ZFX: variants seen among roughly 807,000 people sequenced by gnomAD.
ZFX encodes the protein zinc finger protein X-linked.
For synonymous variants in ZFX, 196 were observed against 226.8 expected, an observed-to-expected ratio of 0.86 and a Z score of 1.22; for missense variants, 362 against 628.3, an observed-to-expected ratio of 0.58 and a Z score of 4.53.
At chrX:24,176,245 G>T (rs1429513692) in intron 4 of ZFX, among the ~76,000 whole-genome samples, 4 of 103,946 alleles carry the variant, frequency 3.8e-5, no homozygotes, top group Non-Finnish European at 7.9e-5. Flanking sequence ...CTCCATGTTG[G>T]TCAGGCTGGT....
chrX:24,150,318 G>C (rs1360978653), intron 1 of ZFX, among the ~76,000 whole-genome samples: 8 of 108,397 alleles, frequency 7.4e-5, no homozygotes, highest in East Asian at 3.0e-4. Context: ...AGCCCGTGAG[G>C]GGGGGTGGGA....
intron 5 of ZFX, among the ~76,000 whole-genome samples, chrX:24,181,035 A>G (rs371791934): frequency 5.3e-5 from 6 of 112,207 alleles, no homozygotes; most frequent in East Asian, 2.8e-4. Flanking sequence ...TTAAAATATA[A>G]AGGATTCACA....
At chrX:24,194,777 C>T (rs1459024265) in intron 5 of ZFX, among the ~76,000 whole-genome samples, 1 of 103,620 alleles carries the variant, frequency 9.7e-6, no homozygotes, top group Non-Finnish European at 2.0e-5. Context: ...GGCAGAGTCT[C>T]ACCCTGTCAC....
intron 3 of ZFX, among the ~76,000 whole-genome samples, chrX:24,163,364 GTTTTTTTTTTTTTTTTT>G (rs66467960): frequency 5.2e-5 from 1 of 19,049 alleles, no homozygotes; most frequent in Non-Finnish European, 8.2e-5. Context: ...TTTTTGTTAG[GTTTTTTTTTTTTTTTTT>G]TTTTTTTTTT....
chrX:24,155,158 G>GA (rs200697768), intron 3 of ZFX, among the ~76,000 whole-genome samples: 2,184 of 111,071 alleles, frequency 0.02, 52 homozygotes, highest in African/African-American at 0.068. Flanking sequence ...CAACAAAAGG[G>GA]AAAAAAGGAA....
chrX:24,173,599 G>A (rs1282557500), intron 4 of ZFX: 28 of 1,139,491 alleles, frequency 2.5e-5, no homozygotes, highest in Admixed American at 1.3e-4. Context: ...GGGTTTTTTT[G>A]TTTTCAGACA....
chrX:24,166,787 A>G (rs1446800865), intron 3 of ZFX, among the ~76,000 whole-genome samples: 1 of 112,320 alleles, frequency 8.9e-6, no homozygotes, highest in Non-Finnish European at 1.9e-5. Flanking sequence ...AGAAACAAGA[A>G]AACCTCAGTG....
In ZFX at chrX:24,169,845, T is replaced by C. The variant is rs1232429541; in HGVS notation, c.-28-2870T>C. On this transcript the variant is annotated intron_variant, in intron 3 of 9. Coordinates refer to ENST00000304543, the MANE Select transcript of ZFX (RefSeq NM_003410.4). ...GAGAGGGTTGAGCACACACCTGGGC[T>C]GAGCCGCAGTAAGGGGTGAGGGGAG... Among the ~76,000 whole-genome samples the C allele has an allele frequency of 4.5e-5, 5 of 110,880 alleles. No individual in the cohort carries two copies. In the South Asian group the frequency reaches 1.5e-3, roughly 34 times the overall value.
intron 5 of ZFX, among the ~76,000 whole-genome samples, chrX:24,185,847 C>T (rs1418665563): frequency 9.1e-6 from 1 of 110,262 alleles, no homozygotes; most frequent in African/African-American, 3.3e-5. Context: ...GGGGGAGGGT[C>T]GCTTGAGCCT....
intron 5 of ZFX, among the ~76,000 whole-genome samples, chrX:24,201,376 A>G (rs1212052957): frequency 8.9e-6 from 1 of 112,905 alleles, no homozygotes; most frequent in African/African-American, 3.2e-5. Context: ...AGGTAAAACC[A>G]TGACATTTTG....
intron 9 of ZFX, 104 bp downstream of exon 9, chrX:24,209,144 C>T (rs1328364392): frequency 9.4e-7 from 1 of 1,062,706 alleles, no homozygotes; most frequent in Non-Finnish European, 1.3e-6. Context: ...AGCTGCTAGA[C>T]CATATATAGC....
rs571886321 is a variant in ZFX, at chrX:24,174,039, C to T, written c.58+1239C>T. Among the ~76,000 whole-genome samples, 16 of 109,341 alleles carry T rather than the reference C, an allele frequency of 1.5e-4. No individual in the cohort carries two copies. In the South Asian group the frequency reaches 5.9e-3, roughly 40 times the overall value. The allele number at this position is 109,341 out of a possible 115,157, so 94.9% of individuals were successfully genotyped here. On this transcript the variant is annotated intron_variant, in intron 4 of 9. Transcript: ENST00000304543. ...CAACCTGGCCAACATGGTGAAACCC[C>T]GTCTCTACTAAAAATACAAAAAAAT...
intron 5 of ZFX, among the ~76,000 whole-genome samples, chrX:24,183,100 G>A (rs1397273333): frequency 8.9e-6 from 1 of 112,258 alleles, no homozygotes. Flanking sequence ...TAGTCTTTAG[G>A]GGATGGGCCA....
chrX:24,173,564 T>G lies in ZFX; in HGVS notation c.58+764T>G, dbSNP rs1176305883. 8 of 1,141,529 alleles carry G rather than the reference T, an allele frequency of 7.0e-6. No homozygotes were observed. In the South Asian group the frequency reaches 1.4e-4, roughly 20 times the overall value. The allele number at this position is 1,141,529 out of a possible 1,213,427, so 94.1% of individuals were successfully genotyped here. A position where few individuals can be genotyped will look rare whatever the true frequency, so the allele number is the denominator to read the frequency against. On this transcript the variant is annotated intron_variant, in intron 4 of 9. Coordinates refer to ENST00000304543, the MANE Select transcript of ZFX (RefSeq NM_003410.4). ...ACCCATGGTTATAATTATATAACGT[T>G]GTAAAGTGGTTACACTTGCGTTTTG...
intron 5 of ZFX, among the ~76,000 whole-genome samples, chrX:24,195,791 C>G (rs1936881232): frequency 8.9e-6 from 1 of 112,053 alleles, no homozygotes; most frequent in Non-Finnish European, 1.9e-5. Flanking sequence ...CACGCCCGGC[C>G]ACTTTCTTGA....
At position 24,215,660 on chromosome X, in the gene ZFX, A is replaced by T. The variant is rs1018804971; in HGVS notation, c.*4284A>T. ...GTGAGAGAAAAATAGGACCCCAGAC[A>T]GTTTATACCTTCCATTTGCTGTTTT... On this transcript the variant is annotated 3_prime_UTR_variant, in exon 10 of 10. Transcript: ENST00000304543. The T allele has an allele frequency of 1.8e-5, 2 of 111,577 alleles. No homozygotes were observed. Among genetic ancestry groups the T allele is most frequent in the African/African-American group, 6.5e-5 (2 of 30,674 alleles). The allele number at this position is 111,577 out of a possible 1,213,427, so 9.2% of individuals were successfully genotyped here.
At chrX:24,194,700 C>A (rs778324132) in intron 5 of ZFX, among the ~76,000 whole-genome samples, 1 of 110,816 alleles carries the variant, frequency 9.0e-6, no homozygotes, top group South Asian at 3.8e-4. Flanking sequence ...AGAAATGTGC[C>A]ATAGGAACTT....
intron 5 of ZFX, among the ~76,000 whole-genome samples, chrX:24,206,551 A>AT (rs1249396716): frequency 0.025 from 946 of 37,478 alleles, 56 homozygotes; most frequent in African/African-American, 0.092. Context: ...GTGTGTGTGT[A>AT]TTTTTTTTTT....
At chrX:24,170,217 G>C (rs1222755958) in intron 3 of ZFX, among the ~76,000 whole-genome samples, 2 of 103,648 alleles carry the variant, frequency 1.9e-5, no homozygotes, top group African/African-American at 3.6e-5. Context: ...GTGCAGTGTC[G>C]CAATCTTGGC....
Sources: gnomAD v4.1 joint callset for allele counts (sites outside exome capture counted in the v4.1 genomes callset) on GRCh38, gnomAD v4.1.1 for gene constraint, MANE v1.5 for transcripts, NCBI Gene and HGNC (gene_info 2026-07-23, HGNC 2026-07-21) for gene names.